Variants in HSD17B4 observed in about 807,000 individuals in gnomAD.
The protein encoded by HSD17B4 is hydroxysteroid 17-beta dehydrogenase 4.
A neutral mutation model predicts 101.0 loss-of-function variants in HSD17B4; 70 were observed. That is an observed-to-expected ratio of 0.69 (90% confidence interval 0.57 to 0.85). HSD17B4 has a LOEUF of 0.85. HSD17B4 is among the 40% of genes least tolerant of loss of function. The pLI is 0.00. For synonymous variants in HSD17B4, 347 were observed against 297.1 expected (o/e 1.17, Z -1.73); for missense variants, 984 against 892.4 (o/e 1.10, Z -1.31).
chr5:119,504,187 G>A (rs1021246787), intron 14 of HSD17B4, among the ~76,000 whole-genome samples: 2 of 151,982 alleles, frequency 1.3e-5, no homozygotes, highest in African/African-American at 4.8e-5. Context: ...ACCATTGATG[G>A]GCACCTAGAT....
chr5:119,508,988 A>T (rs931476198), intron 15 of HSD17B4, among the ~76,000 whole-genome samples, 153 bp from the exon 16 acceptor site: 1 of 152,238 alleles, frequency 6.6e-6, no homozygotes, highest in Admixed American at 6.5e-5. Flanking sequence ...AATGCTTTGT[A>T]ATCCAAACTT....
intron 4 of HSD17B4, among the ~76,000 whole-genome samples, chr5:119,475,434 A>C (rs567205033): frequency 1.3e-5 from 2 of 152,100 alleles, no homozygotes; most frequent in African/African-American, 4.8e-5. Context: ...GGCTAATTCT[A>C]TAATTAAGTG....
At chr5:119,528,101 A>G (rs1302787644) in intron 20 of HSD17B4, among the ~76,000 whole-genome samples, 1 of 152,148 alleles carries the variant, frequency 6.6e-6, no homozygotes, top group Non-Finnish European at 1.5e-5. Context: ...TAAACTGGCA[A>G]TAGTATTTTC....
At chr5:119,490,229 G>T (rs1391077718) in intron 9 of HSD17B4, among the ~76,000 whole-genome samples, 1 of 152,114 alleles carries the variant, frequency 6.6e-6, no homozygotes, top group East Asian at 1.9e-4. Context: ...CAGCCATTGG[G>T]TGTGAATTGT....
chr5:119,475,712 T>A lies in HSD17B4; in HGVS notation c.287T>A (p.Val96Glu). The change falls in exon 5 of 24, where the codon GTG (valine) becomes GAG (glutamate). Residue 96 changes from valine to glutamate, a missense_variant. Val to Glu is a moderately radical substitution (Grantham distance 121). Coordinates refer to ENST00000510025, the MANE Select transcript of HSD17B4 (RefSeq NM_000414.4). ...GTATCTTTTTATATTGTAGATGTTG[T>A]GGTCAACAATGCTGGGTGAGTATTT... ...ALDAFGRIDV[V>E]VNNAGILRDR... is the part of the protein sequence containing the mutation. 6.3e-7 allele frequency: 1 copy of A among 1,596,588 alleles called. No individual in the cohort carries two copies. Among genetic ancestry groups the A allele is most frequent in the Non-Finnish European group, 8.6e-7 (1 of 1,165,902 alleles).
At chr5:119,525,053 T>C (rs1313362506) in intron 17 of HSD17B4, among the ~76,000 whole-genome samples, 163 bp from the exon 18 acceptor site, 1 of 152,152 alleles carries the variant, frequency 6.6e-6, no homozygotes, top group Non-Finnish European at 1.5e-5. Context: ...AAACATTTCA[T>C]TATAGGTAAT....
intron 8 of HSD17B4, among the ~76,000 whole-genome samples, chr5:119,484,515 T>C (rs971598996): frequency 6.6e-6 from 1 of 152,166 alleles, no homozygotes; most frequent in African/African-American, 2.4e-5. Context: ...TTATGCAATA[T>C]ATATATAATA....
intron 11 of HSD17B4, among the ~76,000 whole-genome samples, chr5:119,496,216 A>G (rs1480636196): frequency 6.6e-6 from 1 of 152,206 alleles, no homozygotes; most frequent in Non-Finnish European, 1.5e-5. Context: ...TTGCATGTCT[A>G]TAGACAAGTA....
intron 17 of HSD17B4, among the ~76,000 whole-genome samples, chr5:119,518,899 T>C (rs1006505968): frequency 2.6e-5 from 4 of 152,108 alleles, no homozygotes; most frequent in African/African-American, 4.8e-5. Flanking sequence ...TTTGGGAGGC[T>C]GAGGCAGGAG....
chr5:119,452,663 C>A (rs898750648), intron 1 of HSD17B4, 30 bp downstream of exon 1: 2 of 1,613,310 alleles, frequency 1.2e-6, no homozygotes, highest in South Asian at 2.2e-5. Flanking sequence ...AGGCCGCGCC[C>A]CTTGCTGAGG....
chr5:119,477,338 A>G lies in HSD17B4; in HGVS notation c.350-79A>G, dbSNP rs1423482419. ...GTATAAAATGAACATCTTTGTATAA[A>G]TACAACATTGCTTATGTTGATTCTT... is the stretch of plus-strand genomic sequence containing the variant. On this transcript the variant is annotated intron_variant, in intron 6 of 23. Coordinates refer to ENST00000510025, the MANE Select transcript of HSD17B4 (RefSeq NM_000414.4). 2.5e-5 allele frequency: 24 copies of G among 974,432 alleles called. No homozygotes were observed. In the East Asian group the frequency reaches 5.5e-4, roughly 23 times the overall value. 60.4% of individuals were successfully genotyped at this position (974,432 alleles called of 1,614,324 possible). A position where few individuals can be genotyped will look rare whatever the true frequency, so the allele number is the denominator to read the frequency against.
At chr5:119,526,104 T>C (rs1408016220) in intron 19 of HSD17B4, 81 bp downstream of exon 19, 5 of 835,452 alleles carry the variant, frequency 6.0e-6, no homozygotes, top group East Asian at 4.9e-5. Flanking sequence ...AGTGATTTAA[T>C]TGAAAATAGA....
chr5:119,483,038 A>AC (rs1239449879), intron 8 of HSD17B4, among the ~76,000 whole-genome samples: 5 of 152,140 alleles, frequency 3.3e-5, no homozygotes, highest in African/African-American at 1.2e-4. Flanking sequence ...CTTAAGTAGA[A>AC]CAGAATACTC....
At chr5:119,526,401 A>G (rs769102229) in intron 19 of HSD17B4, among the ~76,000 whole-genome samples, 62 of 152,058 alleles carry the variant, frequency 4.1e-4, no homozygotes, top group Non-Finnish European at 8.1e-4. Context: ...TCCAATAAAC[A>G]TACATCTACA....
intron 11 of HSD17B4, among the ~76,000 whole-genome samples, chr5:119,496,141 C>T (rs1362713770): frequency 6.6e-6 from 1 of 152,148 alleles, no homozygotes; most frequent in Non-Finnish European, 1.5e-5. Flanking sequence ...TCTTGGCATT[C>T]TTTCATCCTG....
chr5:119,465,481 A>G (rs1465634194), intron 2 of HSD17B4, among the ~76,000 whole-genome samples: 1 of 152,164 alleles, frequency 6.6e-6, no homozygotes, highest in Admixed American at 6.5e-5. Context: ...GCCTTTTGCC[A>G]TGATTGGAGG....
Position 119,489,212 on chromosome 5 carries a change from C to A in HSD17B4, c.643C>A (p.Pro215Thr), listed in dbSNP as rs552078818. The A allele has an allele frequency of 8.1e-6, 13 of 1,610,830 alleles. No homozygotes were observed. Among genetic ancestry groups the A allele is most frequent in the Non-Finnish European group, 1.1e-5 (13 of 1,177,376 alleles). Residue 215 changes from proline (P) to threonine (T), a missense_variant, in exon 9 of 24, where the codon CCA (proline) becomes ACA (threonine). Physicochemically the swap from Pro to Thr is conservative, Grantham distance 38. Transcript: ENST00000510025. ...MPEDLVEALK[P>T]EYVAPLVLWL... ...TTCAGATCTTGTGGAAGCCCTGAAG[C>A]CAGAGTATGTGGCACCTCTTGTCCT...
intron 11 of HSD17B4, among the ~76,000 whole-genome samples, chr5:119,494,875 A>AT (rs1196090089): frequency 6.6e-6 from 1 of 152,082 alleles, no homozygotes; most frequent in Non-Finnish European, 1.5e-5. Flanking sequence ...AAGTCAGATT[A>AT]TTTTTTTCTA....
chr5:119,467,677 A>G (rs899479736), intron 2 of HSD17B4, among the ~76,000 whole-genome samples: 2 of 152,272 alleles, frequency 1.3e-5, no homozygotes, highest in Non-Finnish European at 2.9e-5. Flanking sequence ...AAAACCAAAC[A>G]TCAATAGAAA....
Sources: allele counts gnomAD v4.1 joint callset (sites outside exome capture counted in the v4.1 genomes callset), GRCh38; gene constraint gnomAD v4.1.1; transcripts MANE v1.5; gene names NCBI Gene and HGNC (gene_info 2026-07-23, HGNC 2026-07-21).